The following CARS1 variants were observed in gnomAD, a reference collection of about 807,000 sequenced individuals.
CARS1 encodes cysteine--tRNA ligase, cytoplasmic.
Under a neutral mutation model 106.2 loss-of-function variants are expected in CARS1, and 48 were observed. The observed-to-expected ratio is 0.45, with a 90% CI of 0.36 to 0.57. The LOEUF (loss-of-function observed/expected upper bound fraction) is 0.57, where lower values mean the gene tolerates loss of function less well. Among genes scored for constraint, CARS1 ranks in the 20% least tolerant of loss-of-function variants. CARS1 has a pLI of 0.00. For missense variants in CARS1, 968 were observed against 1,057.2 expected, an observed-to-expected ratio of 0.92 and a Z score of 1.17; for synonymous variants, 409 against 403.4, an observed-to-expected ratio of 1.01 and a Z score of -0.17.
In CARS1 at chr11:3,018,563, C is replaced by T. The variant is rs959194253; in HGVS notation, c.1526-52G>A. ...GCCCTTATTCTCCCGAGTGCTACAG[C>T]CATTACACATGTATGAGAAGGTGGT... On this transcript the variant is annotated intron_variant, in intron 13 of 22. Transcript: ENST00000380525. 6 of 1,612,570 alleles carry T rather than the reference C, an allele frequency of 3.7e-6. No homozygotes were observed. In the African/African-American group the frequency reaches 8.0e-5, roughly 22 times the overall value.
rs746786815 is a variant in CARS1, at chr11:3,028,529, G to A, written c.1031+467C>T. The A allele has an allele frequency of 1.7e-5, 4 of 229,952 alleles. No individual in the cohort carries two copies. Among genetic ancestry groups the A allele is most frequent in the Non-Finnish European group, 3.3e-5 (4 of 119,978 alleles). 14.2% of individuals were successfully genotyped at this position (229,952 alleles called of 1,614,324 possible). A position where few individuals can be genotyped will look rare whatever the true frequency, so the allele number is the denominator to read the frequency against. On this transcript the variant is annotated intron_variant, in intron 9 of 22. Coordinates refer to ENST00000380525, the MANE Select transcript of CARS1 (RefSeq NM_001014437.3). The surrounding 1 kb of genome is among the most constrained non-coding windows in gnomAD (Gnocchi z 4.4). ...TCTGAAAATGCTTACTTTGGAGATT[G>A]AGACAATACGGGCCAGGGAAGTGTA... is the stretch of plus-strand genomic sequence containing the variant.
At position 3,020,601 on chromosome 11, in the gene CARS1, G is replaced by C. The variant is rs957027732; in HGVS notation, c.1154-269C>G. ...GAGGCCACATCTGGGGTCTCCGTAA[G>C]ACATTCACCTTCCTGCTGCCTTCTC... On this transcript the variant is annotated intron_variant, in intron 10 of 22. Transcript: ENST00000380525. The surrounding 1 kb of genome is among the most constrained non-coding windows in gnomAD (Gnocchi z 4.6). Among the ~76,000 whole-genome samples, 1 of 152,206 alleles carries C rather than the reference G, an allele frequency of 6.6e-6. No homozygotes were observed. The highest frequency in any genetic ancestry group is 6.5e-5 in the Admixed American group (1 of 15,286).
chr11:3,012,884 CTTTTTTTTTTTT>C (rs768906268), intron 17 of CARS1, among the ~76,000 whole-genome samples: 1 of 116,930 alleles, frequency 8.6e-6, no homozygotes, highest in Non-Finnish European at 1.7e-5. Context: ...CTATATTTCC[CTTTTTTTTTTTT>C]TTTTTTTTTT....
At chr11:3,011,498 CAGCT>C (rs1462992483) in intron 18 of CARS1, among the ~76,000 whole-genome samples, 1 of 152,016 alleles carries the variant, frequency 6.6e-6, no homozygotes, top group Non-Finnish European at 1.5e-5. Context: ...CCTGTAGTCC[CAGCT>C]ACTCAGGAGG....
intron 18 of CARS1, 58 bp from the exon 19 acceptor site, chr11:3,007,017 A>C: frequency 7.6e-7 from 1 of 1,315,778 alleles, no homozygotes; most frequent in Non-Finnish European, 1.1e-6. Context: ...CCACACAACC[A>C]GTGCCTCCTC....
intron 1 of CARS1, among the ~76,000 whole-genome samples, chr11:3,055,393 G>C (rs1191874234): frequency 6.6e-6 from 1 of 152,090 alleles, no homozygotes; most frequent in Non-Finnish European, 1.5e-5. Context: ...TGCCTGCCTC[G>C]GCCTCCCAAA....
chr11:3,032,163 C>A (rs1312966852), intron 7 of CARS1, among the ~76,000 whole-genome samples: 1 of 151,040 alleles, frequency 6.6e-6, no homozygotes, highest in Non-Finnish European at 1.5e-5. Flanking sequence ...ACCTCCGCCT[C>A]CCGGGTTCAA....
intron 16 of CARS1, 41 bp from the exon 17 acceptor site, chr11:3,015,890 T>C (rs1286044311): frequency 6.5e-7 from 1 of 1,548,082 alleles, no homozygotes; most frequent in African/African-American, 1.4e-5. Context: ...TGCGGCAAGA[T>C]GAAGGCGGCA....
In CARS1 at chr11:3,012,289, C is replaced by T; in HGVS notation, c.1987-13G>A. Reference sequence around the variant, plus strand: ...CTGTGGCCTCGAGCTGCGGAAAGAACAGTTTTGGTTCACTGAGAGCTGCTC... The same window carrying T: ...CTGTGGCCTCGAGCTGCGGAAAGAATAGTTTTGGTTCACTGAGAGCTGCTC... On this transcript the variant is annotated splice_polypyrimidine_tract_variant and intron_variant, in intron 17 of 22. Transcript: ENST00000380525. 6.2e-7 allele frequency: 1 copy of T among 1,613,330 alleles called. No individual in the cohort carries two copies. The highest frequency in any genetic ancestry group is 8.5e-7 in the Non-Finnish European group (1 of 1,179,236).
chr11:3,019,117 AG>A lies in CARS1; in HGVS notation c.1395+21del. On this transcript the variant is annotated intron_variant, in intron 12 of 22. Coordinates refer to ENST00000380525, the MANE Select transcript of CARS1 (RefSeq NM_001014437.3). This position sits in a 1 kb window ranked among gnomAD's most constrained non-coding sequence, Gnocchi z 6.2. ...GAACACTGTGCTCTTGCACCTGACA[AG>A]GGGACTCTGTTTTCACCTACCTCCG... 6.7e-7 allele frequency: 1 copy of A among 1,501,748 alleles called. No homozygotes were observed. The highest frequency in any genetic ancestry group is 8.9e-7 in the Non-Finnish European group (1 of 1,127,982). The allele number at this position is 1,501,748 out of a possible 1,614,324, so 93.0% of individuals were successfully genotyped here.
In CARS1 at chr11:3,029,539, A is replaced by C. The variant is rs878916770; in HGVS notation, c.802-96T>G. ...GTGAGCCCATCAGTGCCCTGAATTC[A>C]AAGGTGCTGACCTTGACCTGTGAAG... On this transcript the variant is annotated intron_variant, in intron 7 of 22. Coordinates refer to ENST00000380525, the MANE Select transcript of CARS1 (RefSeq NM_001014437.3). This position sits in a 1 kb window ranked among gnomAD's most constrained non-coding sequence, Gnocchi z 5.9. The C allele has an allele frequency of 2.1e-6, 3 of 1,399,198 alleles. No individual in the cohort carries two copies. In the Admixed American group the frequency reaches 5.8e-5, roughly 27 times the overall value. 86.7% of individuals were successfully genotyped at this position (1,399,198 alleles called of 1,614,324 possible). A position where few individuals can be genotyped will look rare whatever the true frequency, so the allele number is the denominator to read the frequency against.
chr11:3,023,139 A>T (rs971532561), intron 10 of CARS1, among the ~76,000 whole-genome samples: 1 of 152,192 alleles, frequency 6.6e-6, no homozygotes, highest in African/African-American at 2.4e-5. Context: ...AGATGGGGCC[A>T]GATAGCAAAA....
In CARS1 at chr11:3,017,805, G is replaced by T; in HGVS notation, c.1727+52C>A. ...ACATGGTGGCCAAGATGCGAGGCTA[G>T]GCATAGAACATGGGCATGCTCAAAA... On this transcript the variant is annotated intron_variant, in intron 15 of 22. Coordinates refer to ENST00000380525, the MANE Select transcript of CARS1 (RefSeq NM_001014437.3). This position sits in a 1 kb window ranked among gnomAD's most constrained non-coding sequence, Gnocchi z 4.9. 1 of 1,211,468 alleles carries T rather than the reference G, an allele frequency of 8.3e-7. No homozygotes were observed. 75.0% of individuals were successfully genotyped at this position (1,211,468 alleles called of 1,614,324 possible).
chr11:3,028,376 T>G lies in CARS1; in HGVS notation c.1031+620A>C. On this transcript the variant is annotated intron_variant, in intron 9 of 22. Transcript: ENST00000380525. This position sits in a 1 kb window ranked among gnomAD's most constrained non-coding sequence, Gnocchi z 4.4. ...TCTTCTCTTTTATCTCTTTGTCTTG[T>G]GTCTTTATTTCTACAATCTCTCATC... The G allele has an allele frequency of 2.5e-6, 1 of 405,438 alleles. No homozygotes were observed. The highest frequency in any genetic ancestry group is 4.4e-6 in the Non-Finnish European group (1 of 225,588). The allele number at this position is 405,438 out of a possible 1,614,324, so 25.1% of individuals were successfully genotyped here.
chr11:3,018,335 C>T, intron 14 of CARS1, 73 bp downstream of exon 14: 1 of 963,968 alleles, frequency 1.0e-6, no homozygotes, highest in South Asian at 1.4e-5. Flanking sequence ...GTGCACCTAT[C>T]ACCACTGCAC....
rs2134285522 is a variant in CARS1 at position 3,046,421 on chromosome 11, G to GTT, written c.274+1331_274+1332insAA. ...GGAGAGAAGGCACCTCACAGCACAG[G>GTT]TGTCACTTGGGTGACCGCGCTGGAG... On this transcript the variant is annotated intron_variant, in intron 2 of 22. Transcript: ENST00000380525. This position sits in a 1 kb window ranked among gnomAD's most constrained non-coding sequence, Gnocchi z 5.8. Among the ~76,000 whole-genome samples, 1 of 152,296 alleles carries GTT rather than the reference G, an allele frequency of 6.6e-6. No homozygotes were observed. Among genetic ancestry groups the GTT allele is most frequent in the South Asian group, 2.1e-4 (1 of 4,828 alleles).
rs377714269 is a variant in CARS1, at chr11:3,048,212, C to G, written c.26-211G>C. 1.1e-5 allele frequency: 6 copies of G among 535,170 alleles called. No homozygotes were observed. The highest frequency in any genetic ancestry group is 9.4e-5 in the African/African-American group (5 of 53,052). 33.2% of individuals were successfully genotyped at this position (535,170 alleles called of 1,614,324 possible). A position where few individuals can be genotyped will look rare whatever the true frequency, so the allele number is the denominator to read the frequency against. The stretch of plus-strand genomic sequence containing the variant: ...CTGCCTGACAGGTATGGATGGGTTC[C>G]CTCTTGGGTGATGAAAATGCTTTGG... On this transcript the variant is annotated intron_variant, in intron 1 of 22. Transcript: ENST00000380525. The surrounding 1 kb of genome is among the most constrained non-coding windows in gnomAD (Gnocchi z 5.1).
chr11:3,048,016 G>A lies in CARS1; in HGVS notation c.26-15C>T, dbSNP rs1197035140. 6.2e-7 allele frequency: 1 copy of A among 1,606,964 alleles called. No individual in the cohort carries two copies. Among genetic ancestry groups the A allele is most frequent in the African/African-American group, 1.3e-5 (1 of 74,820 alleles). ...GTAGTCAGGAGCTGCAAAGACAGAG[G>A]GCACATGGTGTCAGGCAGGCAGGCG... On this transcript the variant is annotated splice_polypyrimidine_tract_variant and intron_variant, in intron 1 of 22. Transcript: ENST00000380525. This position sits in a 1 kb window ranked among gnomAD's most constrained non-coding sequence, Gnocchi z 5.1.
chr11:3,015,683 G>A, intron 17 of CARS1, 98 bp downstream of exon 17: 1 of 1,037,974 alleles, frequency 9.6e-7, no homozygotes, highest in South Asian at 1.3e-5. Context: ...GGTCTGGTGT[G>A]GGTGGGCAGA....
Sources: allele counts gnomAD v4.1 joint callset (sites outside exome capture counted in the v4.1 genomes callset), GRCh38; gene constraint gnomAD v4.1.1; non-coding constraint Gnocchi (gnomAD v3.1); transcripts MANE v1.5; gene names NCBI Gene and HGNC (gene_info 2026-07-23, HGNC 2026-07-21).